The following RBMS2 variants were observed in gnomAD, a reference collection of about 807,000 sequenced individuals.
The protein encoded by RBMS2 is RNA-binding motif, single-stranded-interacting protein 2.
RBMS2 carries 38 observed loss-of-function variants against 58.4 expected under a neutral mutation model. The observed-to-expected ratio is 0.65, with a 90% CI of 0.50 to 0.85. The LOEUF (loss-of-function observed/expected upper bound fraction) is 0.85. Ranked by LOEUF, RBMS2 falls within the 40% of genes least tolerant of loss-of-function variation. The pLI is 0.00. For synonymous variants in RBMS2, 151 were observed against 180.7 expected, an observed-to-expected ratio of 0.84 and a Z score of 1.32; for missense variants, 367 against 503.7, an observed-to-expected ratio of 0.73 and a Z score of 2.60.
At chr12:56,536,437 A>G (rs1415499496) in intron 1 of RBMS2, among the ~76,000 whole-genome samples, 1 of 151,096 alleles carries the variant, frequency 6.6e-6, no homozygotes, top group Non-Finnish European at 1.5e-5. Context: ...GCTTCTTGAA[A>G]GAGTAGTCCA....
At position 56,550,804 on chromosome 12, in the gene RBMS2, C is replaced by T. The variant is rs943714248; in HGVS notation, c.67-11613C>T. ...TTGCAGTGAGCCGAGATTGCGCCATCGCACCCTAGCCTGGGTGACAGAGCA... is the reference window on the plus strand; with the variant it reads ...TTGCAGTGAGCCGAGATTGCGCCATTGCACCCTAGCCTGGGTGACAGAGCA... On this transcript the variant is annotated intron_variant, in intron 1 of 13. Coordinates refer to ENST00000262031, the MANE Select transcript of RBMS2 (RefSeq NM_002898.4). Among the ~76,000 whole-genome samples, 13 of 149,730 alleles carry T rather than the reference C, an allele frequency of 8.7e-5. No homozygotes were observed. The East Asian group carries it at 1.4e-3, about 16-fold the overall frequency.
At position 56,588,299 on chromosome 12, in the gene RBMS2, G is replaced by A; in HGVS notation, c.1068G>A (p.Met356Ile). 3 of 1,613,486 alleles carry A rather than the reference G, an allele frequency of 1.9e-6. No homozygotes were observed. The highest frequency in any genetic ancestry group is 2.5e-6 in the Non-Finnish European group (3 of 1,179,500). ...HLSLSSTGTYMPTAAAMQGAY... is the reference protein window; with the variant it reads ...HLSLSSTGTYIPTAAAMQGAY... ...GTTGATGTTTCTCTTTCTAGTATAT[G>A]CCGACGGCTGCAGCTATGCAAGGAG... is the stretch of plus-strand genomic sequence containing the variant. The change falls in exon 12 of 14, where the codon ATG (methionine) becomes ATA (isoleucine). Residue 356 changes from methionine to isoleucine, a missense_variant. Around this residue, in one of 3 missense-constraint regions of RBMS2, gnomAD observed 220 missense variants for 261.1 expected, o/e 0.84. Transcript: ENST00000262031.
intron 12 of RBMS2, 175 bp downstream of exon 12, chr12:56,588,549 T>C (rs1884999082): frequency 3.1e-6 from 2 of 640,454 alleles, no homozygotes; most frequent in East Asian, 2.7e-5. Context: ...ATACTAAAAT[T>C]GGAACAATAC....
At chr12:56,579,300 G>GT (rs1477338382) in intron 5 of RBMS2, among the ~76,000 whole-genome samples, 2 of 152,150 alleles carry the variant, frequency 1.3e-5, no homozygotes, top group African/African-American at 4.8e-5. Flanking sequence ...CTAATGTGTG[G>GT]TTTTCTCTAA....
chr12:56,554,068 A>G lies in RBMS2; in HGVS notation c.67-8349A>G, dbSNP rs559325126. 1.4e-3 allele frequency among the ~76,000 whole-genome samples: 210 copies of G among 152,104 alleles called. 1 individual carries two copies. The highest frequency in any genetic ancestry group is 0.014 in the Middle Eastern group (4 of 292). On this transcript the variant is annotated intron_variant, in intron 1 of 13. Coordinates refer to ENST00000262031, the MANE Select transcript of RBMS2 (RefSeq NM_002898.4). ...TTGAACTCCTGTCCTCAAGTGATTC[A>G]CCCACCTTGACCTCCCAAAATGCTG...
At chr12:56,540,444 G>A (rs1309835605) in intron 1 of RBMS2, among the ~76,000 whole-genome samples, 2 of 152,088 alleles carry the variant, frequency 1.3e-5, no homozygotes, top group African/African-American at 2.4e-5. Context: ...TGTGATCATA[G>A]CTCACTGCAG....
chr12:56,568,235 A>C, intron 2 of RBMS2, among the ~76,000 whole-genome samples: 1 of 152,176 alleles, frequency 6.6e-6, no homozygotes, highest in Non-Finnish European at 1.5e-5. Context: ...AAAAATGTCT[A>C]TAGTTTTTTC....
intron 1 of RBMS2, among the ~76,000 whole-genome samples, chr12:56,540,355 G>A (rs1875844591): frequency 6.6e-6 from 1 of 152,038 alleles, no homozygotes; most frequent in South Asian, 2.1e-4. Context: ...GTATTTATTT[G>A]TATTTACATA....
chr12:56,525,825 C>A (rs926834159), intron 1 of RBMS2, among the ~76,000 whole-genome samples: 5 of 151,632 alleles, frequency 3.3e-5, no homozygotes, highest in African/African-American at 1.2e-4. Context: ...CCACGCCTGG[C>A]TAATTTTTTA....
upstream of RBMS2, among the ~76,000 whole-genome samples, chr12:56,521,502 G>GTTTTTTTTTTTTTT (rs68129205): frequency 2.1e-3 from 150 of 73,154 alleles, 7 homozygotes; most frequent in Non-Finnish European, 2.8e-3. Flanking sequence ...CTCTAACTCT[G>GTTTTTTTTTTTTTT]TTTTTTTTTT....
chr12:56,585,505 G>A (rs373106143), intron 9 of RBMS2, among the ~76,000 whole-genome samples: 24 of 152,164 alleles, frequency 1.6e-4, no homozygotes, highest in East Asian at 5.8e-4. Flanking sequence ...ATTTTTTTGC[G>A]TCTGGCTTCT....
intron 9 of RBMS2, among the ~76,000 whole-genome samples, chr12:56,585,015 G>T (rs528223476): frequency 6.6e-6 from 1 of 151,940 alleles, no homozygotes; most frequent in Non-Finnish European, 1.5e-5. Flanking sequence ...TAGAGATGGG[G>T]TTTCTCTGTG....
In RBMS2 at chr12:56,581,268, G is replaced by T; in HGVS notation, c.622+5G>T. On this transcript the variant is annotated splice_donor_5th_base_variant and intron_variant, in intron 6 of 13. Coordinates refer to ENST00000262031, the MANE Select transcript of RBMS2 (RefSeq NM_002898.4). ...AGACACCCCCTGGAGTACCAGGTGA[G>T]GCATCTGGGGCTCAGGCTGAGAGGG... The T allele has an allele frequency of 2.5e-6, 4 of 1,595,572 alleles. No individual in the cohort carries two copies. The highest frequency in any genetic ancestry group is 1.7e-6 in the Non-Finnish European group (2 of 1,163,166).
intron 5 of RBMS2, among the ~76,000 whole-genome samples, chr12:56,579,004 A>G (rs1273689070): frequency 6.6e-6 from 1 of 152,146 alleles, no homozygotes; most frequent in Non-Finnish European, 1.5e-5. Flanking sequence ...ATATGCCAAG[A>G]ACCAAGGTGT....
rs1881846250 is a variant in RBMS2 at position 56,569,002 on chromosome 12, C to T, written c.261C>T (p.Ala87=). The T allele has an allele frequency of 6.2e-7, 1 of 1,613,212 alleles. No homozygotes were observed. The highest frequency in any genetic ancestry group is 8.5e-7 in the Non-Finnish European group (1 of 1,179,200). The change falls in exon 3 of 14, where the codon GCC becomes GCT. Residue 87 remains alanine, a synonymous_variant. Transcript: ENST00000262031. ...ATGGCAAGATTGTTTCCACTAAGGC[C>T]ATACTGGACAAGACCACAAACAAAT... ...QPYGKIVSTK[A]ILDKTTNKCK...
At chr12:56,528,245 G>C (rs1340804846) in intron 1 of RBMS2, among the ~76,000 whole-genome samples, 1 of 98,352 alleles carries the variant, frequency 1.0e-5, no homozygotes, top group Non-Finnish European at 2.3e-5. Flanking sequence ...GCGAGACCAT[G>C]TATCAAAAAA....
intron 1 of RBMS2, among the ~76,000 whole-genome samples, chr12:56,553,981 T>C (rs1447173400): frequency 6.6e-6 from 1 of 151,902 alleles, no homozygotes; most frequent in Non-Finnish European, 1.5e-5. Flanking sequence ...CATGCCACTA[T>C]GCTCGACTAA....
intron 10 of RBMS2, 143 bp from the exon 11 acceptor site, chr12:56,587,411 T>C: frequency 1.3e-6 from 1 of 770,316 alleles, no homozygotes; most frequent in Non-Finnish European, 2.0e-6. Context: ...CCTATTCTTG[T>C]TGCATAGTTG....
Position 56,562,419 on chromosome 12 carries a change from A to G in RBMS2, c.69A>G (p.Pro23=), listed in dbSNP as rs1880590934. 1.2e-6 allele frequency: 2 copies of G among 1,601,052 alleles called. No individual in the cohort carries two copies. Among genetic ancestry groups the G allele is most frequent in the Non-Finnish European group, 1.7e-6 (2 of 1,168,286 alleles). The change falls in exon 2 of 14, where the codon CCA becomes CCG. Residue 23 remains proline, a splice_region_variant and synonymous_variant. Coordinates refer to ENST00000262031, the MANE Select transcript of RBMS2 (RefSeq NM_002898.4). ...TFGYNRNNKK[P]YVSLAQQMAP... ...CTCTTCCTCATGTCTCCCTGCAGCC[A>G]TATGTGTCATTGGCTCAGCAGATGG...
Sources: gnomAD v4.1 joint callset for allele counts (sites outside exome capture counted in the v4.1 genomes callset) on GRCh38, gnomAD v4.1.1 for gene constraint, gnomAD v4.1.1 regional missense constraint, MANE v1.5 for transcripts, NCBI Gene and HGNC (gene_info 2026-07-23, HGNC 2026-07-21) for gene names.